AUTS2: variants seen among roughly 807,000 people sequenced by gnomAD.
AUTS2 encodes autism susceptibility gene 2 protein.
Under a neutral mutation model 112.4 loss-of-function variants are expected in AUTS2, and 17 were observed. The observed-to-expected ratio is 0.15, with a 90% CI of 0.10 to 0.23. AUTS2 has a LOEUF of 0.23. Among genes scored for constraint, AUTS2 ranks in the 10% least tolerant of loss-of-function variants. The pLI, the probability that AUTS2 is intolerant of heterozygous loss-of-function variation, is 1.00. For synonymous variants in AUTS2, 751 were observed against 702.7 expected (o/e 1.07, Z -1.09); for missense variants, 1,510 against 1,701.6 (o/e 0.89, Z 1.98).
rs549916427 is a variant in AUTS2, at chr7:69,689,635, C to T, written c.309+89673C>T. 4.2e-5 allele frequency among the ~76,000 whole-genome samples: 6 copies of T among 143,888 alleles called. No homozygotes were observed. In the South Asian group the frequency reaches 1.3e-3, roughly 32 times the overall value. The allele number at this position is 143,888 out of a possible 152,430, so 94.4% of individuals were successfully genotyped here. A position where few individuals can be genotyped will look rare whatever the true frequency, so the allele number is the denominator to read the frequency against. ...GATTACAGGCGTGAGCCACCGCACCCGGCCTTTTATTTATTTATTTATTTA... is the reference window on the plus strand; with the variant it reads ...GATTACAGGCGTGAGCCACCGCACCTGGCCTTTTATTTATTTATTTATTTA... On this transcript the variant is annotated intron_variant, in intron 1 of 18. Transcript: ENST00000342771.
chr7:69,782,944 T>G (rs1452722515), intron 1 of AUTS2, among the ~76,000 whole-genome samples: 5 of 152,182 alleles, frequency 3.3e-5, no homozygotes, highest in Non-Finnish European at 7.3e-5. Context: ...TGACATTGAC[T>G]TAGATATTCT....
chr7:70,677,395 A>G (rs1007971212), intron 5 of AUTS2, among the ~76,000 whole-genome samples: 3 of 152,118 alleles, frequency 2.0e-5, no homozygotes, highest in Admixed American at 6.6e-5. Context: ...CAAAGTCTCT[A>G]TATTCCCCTG....
At chr7:70,767,506 G>C (rs571257836) in intron 9 of AUTS2, among the ~76,000 whole-genome samples, 6 of 152,248 alleles carry the variant, frequency 3.9e-5, no homozygotes, top group African/African-American at 1.2e-4. Flanking sequence ...GCATCAATAT[G>C]ATGACATTAT....
Position 70,469,958 on chromosome 7 carries a change from A to G in AUTS2, c.690+34177A>G, listed in dbSNP as rs530453929. Among the ~76,000 whole-genome samples, 8 of 151,462 alleles carry G rather than the reference A, an allele frequency of 5.3e-5. No homozygotes were observed. In the East Asian group the frequency reaches 1.6e-3, roughly 29 times the overall value. On this transcript the variant is annotated intron_variant, in intron 5 of 18. Coordinates refer to ENST00000342771, the MANE Select transcript of AUTS2 (RefSeq NM_015570.4). ...CCCAGCCAGGTTCATGGTTTTAGAG[A>G]CTCAGTCTGGAGATAAGCTTAGCAC...
intron 2 of AUTS2, among the ~76,000 whole-genome samples, chr7:69,950,922 C>T (rs1418057005): frequency 5.3e-5 from 8 of 151,950 alleles, no homozygotes; most frequent in South Asian, 4.2e-4. Flanking sequence ...ATCGCTTGAG[C>T]CCAGGAGTTT....
chr7:70,055,722 G>C lies in AUTS2; in HGVS notation c.523-62410G>C, dbSNP rs1288574496. On this transcript the variant is annotated intron_variant, in intron 2 of 18. Coordinates refer to ENST00000342771, the MANE Select transcript of AUTS2 (RefSeq NM_015570.4). ...TTTTAAGGTGGGTATGGGTATTAAG[G>C]TGGGTATTGTTAGTCTTTTCCCTCT... Among the ~76,000 whole-genome samples, 10 of 152,306 alleles carry C rather than the reference G, an allele frequency of 6.6e-5. No individual in the cohort carries two copies. In the East Asian group the frequency reaches 1.9e-3, roughly 29 times the overall value.
chr7:69,893,587 C>T (rs1794615366), intron 1 of AUTS2, among the ~76,000 whole-genome samples: 1 of 152,140 alleles, frequency 6.6e-6, no homozygotes, highest in Non-Finnish European at 1.5e-5. Context: ...AGAAGAGGCT[C>T]AGTTTAAATT....
At chr7:70,149,076 G>A (rs1405905240) in intron 4 of AUTS2, among the ~76,000 whole-genome samples, 1 of 152,014 alleles carries the variant, frequency 6.6e-6, no homozygotes, top group Non-Finnish European at 1.5e-5. Flanking sequence ...TATTCATAGG[G>A]TGTTCCATGA....
intron 2 of AUTS2, among the ~76,000 whole-genome samples, chr7:70,046,403 C>A (rs138412168): frequency 1.3e-5 from 2 of 152,296 alleles, no homozygotes; most frequent in African/African-American, 4.8e-5. Flanking sequence ...TTCGCACATA[C>A]TACATAAGTA....
chr7:70,063,193 A>T (rs1467925544), intron 2 of AUTS2, among the ~76,000 whole-genome samples: 1 of 152,030 alleles, frequency 6.6e-6, no homozygotes, highest in Non-Finnish European at 1.5e-5. Flanking sequence ...ATCACCAAAA[A>T]AATTTGAATT....
intron 2 of AUTS2, among the ~76,000 whole-genome samples, chr7:69,912,729 A>C (rs377526942): frequency 2.4e-4 from 36 of 151,394 alleles, no homozygotes; most frequent in East Asian, 9.7e-4. Context: ...CTTTCATTTT[A>C]CTCCCTCCTT....
At chr7:70,382,336 A>G (rs1793404945) in intron 4 of AUTS2, among the ~76,000 whole-genome samples, 1 of 152,146 alleles carries the variant, frequency 6.6e-6, no homozygotes, top group South Asian at 2.1e-4. Flanking sequence ...TCTCTCTACT[A>G]CAATCCCCAA....
At chr7:70,106,644 CAGG>C (rs2129570533) in intron 2 of AUTS2, among the ~76,000 whole-genome samples, 1 of 152,220 alleles carries the variant, frequency 6.6e-6, no homozygotes, top group South Asian at 2.1e-4. Context: ...CACTTTAGCC[CAGG>C]AGTTCAAGGC....
intron 1 of AUTS2, among the ~76,000 whole-genome samples, chr7:69,775,953 A>G (rs1477163606): frequency 6.6e-6 from 1 of 152,022 alleles, no homozygotes; most frequent in African/African-American, 2.4e-5. Context: ...CCCCCACCCC[A>G]CTTCTTTCTC....
At chr7:70,375,443 A>C (rs1793042549) in intron 4 of AUTS2, among the ~76,000 whole-genome samples, 1 of 152,194 alleles carries the variant, frequency 6.6e-6, no homozygotes, top group African/African-American at 2.4e-5. Context: ...TCATTATTTC[A>C]TCAACAAGAA....
At chr7:70,510,301 TA>T (rs1799130393) in intron 5 of AUTS2, among the ~76,000 whole-genome samples, 1 of 152,260 alleles carries the variant, frequency 6.6e-6, no homozygotes, top group Non-Finnish European at 1.5e-5. Flanking sequence ...TAAGCTCTCT[TA>T]AACTTTATCT....
At chr7:70,444,343 C>CGT (rs370735846) in intron 5 of AUTS2, among the ~76,000 whole-genome samples, 6,767 of 138,664 alleles carry the variant, frequency 0.049, 244 homozygotes, top group African/African-American at 0.1. Flanking sequence ...TGGTCATGTA[C>CGT]GTGTGTGTGT....
intron 2 of AUTS2, among the ~76,000 whole-genome samples, chr7:70,061,962 T>C (rs753012925): frequency 6.6e-6 from 1 of 151,386 alleles, no homozygotes; most frequent in Non-Finnish European, 1.5e-5. Flanking sequence ...TAATTTTTCT[T>C]ATTTTAGTAG....
chr7:70,069,603 TAATA>T (rs1802657310), intron 2 of AUTS2, among the ~76,000 whole-genome samples: 1 of 152,210 alleles, frequency 6.6e-6, no homozygotes, highest in South Asian at 2.1e-4. Context: ...ACTTCCTGTG[TAATA>T]AATCAATTAT....
Sources: allele counts gnomAD v4.1 joint callset (sites outside exome capture counted in the v4.1 genomes callset), GRCh38; gene constraint gnomAD v4.1.1; transcripts MANE v1.5; gene names NCBI Gene and HGNC (gene_info 2026-07-23, HGNC 2026-07-21).